TRIM2: variants seen among roughly 807,000 people sequenced by gnomAD.
TRIM2 encodes the protein tripartite motif containing 2, also known as tripartite motif-containing protein 2.
A neutral mutation model predicts 75.2 loss-of-function variants in TRIM2; 20 were observed. The ratio of observed to expected loss-of-function variants is 0.27; its 90% confidence interval spans 0.19 to 0.39. TRIM2 has a LOEUF of 0.39. Ranked by LOEUF, TRIM2 falls within the 10% of genes least tolerant of loss-of-function variation. The pLI, the probability that TRIM2 is intolerant of heterozygous loss-of-function variation, is 1.00. For missense variants in TRIM2, 660 were observed against 990.8 expected, an observed-to-expected ratio of 0.67 and a Z score of 4.48; for synonymous variants, 373 against 388.3, an observed-to-expected ratio of 0.96 and a Z score of 0.46.
At chr4:153,319,352 A>C (rs1490882381) in intron 8 of TRIM2, among the ~76,000 whole-genome samples, 1 of 152,176 alleles carries the variant, frequency 6.6e-6, no homozygotes, top group South Asian at 2.1e-4. Context: ...ACTCTAAAAT[A>C]TCTCATCTCT....
At chr4:153,301,558 G>A (rs965737798) in intron 6 of TRIM2, among the ~76,000 whole-genome samples, 2 of 152,020 alleles carry the variant, frequency 1.3e-5, no homozygotes, top group Non-Finnish European at 1.5e-5. Context: ...TCAAAAAATC[G>A]TTGCCCAGAA....
intron 1 of TRIM2, among the ~76,000 whole-genome samples, chr4:153,197,199 G>C (rs1319399039): frequency 4.6e-5 from 7 of 152,162 alleles, no homozygotes; most frequent in South Asian, 2.1e-4. Flanking sequence ...GGAGCTTCCA[G>C]GTAGTAAGTT....
intron 1 of TRIM2, chr4:153,222,256 T>A (rs1242561223): frequency 6.6e-6 from 1 of 152,144 alleles, no homozygotes; most frequent in African/African-American, 2.4e-5. Flanking sequence ...CTGTGCTTGC[T>A]TATAATGAAC....
intron 1 of TRIM2, among the ~76,000 whole-genome samples, chr4:153,239,841 T>C (rs914320239): frequency 6.7e-6 from 1 of 150,262 alleles, no homozygotes; most frequent in African/African-American, 2.5e-5. Flanking sequence ...TCTCTTTTTT[T>C]TTTTTTTTTT....
intron 6 of TRIM2, among the ~76,000 whole-genome samples, chr4:153,299,544 C>T (rs1034447062): frequency 6.6e-6 from 1 of 152,188 alleles, no homozygotes; most frequent in Non-Finnish European, 1.5e-5. Context: ...ATGTTAGATA[C>T]AGTGAGTTCT....
chr4:153,212,661 A>AAAAAAG (rs1260021461), intron 1 of TRIM2, among the ~76,000 whole-genome samples: 2 of 152,152 alleles, frequency 1.3e-5, no homozygotes, highest in African/African-American at 4.8e-5. Context: ...GTCTCTAGGA[A>AAAAAAG]AAAAAGAAAA....
chr4:153,247,575 G>T (rs969655139), intron 1 of TRIM2, among the ~76,000 whole-genome samples: 5 of 151,472 alleles, frequency 3.3e-5, no homozygotes, highest in Non-Finnish European at 7.4e-5. Context: ...CTACTCAGGA[G>T]GCTGAGGCAG....
chr4:153,245,445 G>C (rs1578918682), intron 1 of TRIM2, among the ~76,000 whole-genome samples: 1 of 152,340 alleles, frequency 6.6e-6, no homozygotes, highest in East Asian at 1.9e-4. Flanking sequence ...TGTTAGGCTT[G>C]AGCAGGGGCG....
intron 1 of TRIM2, among the ~76,000 whole-genome samples, chr4:153,207,612 C>T (rs1273250359): frequency 6.6e-6 from 1 of 152,192 alleles, no homozygotes; most frequent in African/African-American, 2.4e-5. Context: ...CAGCATCTAA[C>T]GACAGTCCTA....
At position 153,324,066 on chromosome 4, in the gene TRIM2, T is replaced by A. The variant is rs751891772; in HGVS notation, c.1952-12T>A. The A allele has an allele frequency of 6.2e-7, 1 of 1,610,606 alleles. No homozygotes were observed. Among genetic ancestry groups the A allele is most frequent in the African/African-American group, 1.3e-5 (1 of 74,790 alleles). On this transcript the variant is annotated splice_polypyrimidine_tract_variant and intron_variant, in intron 9 of 11. Coordinates refer to ENST00000338700, the MANE Select transcript of TRIM2 (RefSeq NM_015271.5). ...TGTAGTCATCACATATTTTTTTCCATCTTTATTGCAGGTCCCCATTTTGCA... is the reference window on the plus strand; with the variant it reads ...TGTAGTCATCACATATTTTTTTCCAACTTTATTGCAGGTCCCCATTTTGCA...
intron 10 of TRIM2, among the ~76,000 whole-genome samples, chr4:153,326,675 A>G (rs1770241562): frequency 6.6e-6 from 1 of 152,254 alleles, no homozygotes; most frequent in African/African-American, 2.4e-5. Flanking sequence ...CCAGGAAAAC[A>G]TATTGACTCA....
chr4:153,281,516 T>A (rs1167629470), intron 3 of TRIM2, among the ~76,000 whole-genome samples: 1 of 152,234 alleles, frequency 6.6e-6, no homozygotes, highest in African/African-American at 2.4e-5. Flanking sequence ...CATTGCATAT[T>A]CAAGCCAAAT....
chr4:153,314,203 G>A (rs1164983296), intron 6 of TRIM2, among the ~76,000 whole-genome samples: 3 of 144,618 alleles, frequency 2.1e-5, no homozygotes, highest in Admixed American at 6.7e-5. Flanking sequence ...GGCGGATCAC[G>A]AGGTCAGGAG....
chr4:153,307,543 C>T (rs780029230), intron 6 of TRIM2, among the ~76,000 whole-genome samples: 1 of 152,160 alleles, frequency 6.6e-6, no homozygotes, highest in Non-Finnish European at 1.5e-5. Context: ...TCATAGACTT[C>T]ACTTCCAATT....
intron 1 of TRIM2, among the ~76,000 whole-genome samples, chr4:153,234,890 G>A (rs571478317): frequency 1.7e-3 from 265 of 152,274 alleles, no homozygotes; most frequent in Non-Finnish European, 1.9e-3. Context: ...GTCCAAAGTG[G>A]AACTCAATTA....
intron 3 of TRIM2, among the ~76,000 whole-genome samples, chr4:153,279,787 A>G (rs1456537460): frequency 6.6e-6 from 1 of 152,128 alleles, no homozygotes; most frequent in East Asian, 1.9e-4. Flanking sequence ...TATTAAAAAT[A>G]CAAAAATTAG....
chr4:153,230,532 C>T (rs1341971041), intron 1 of TRIM2, among the ~76,000 whole-genome samples: 4 of 152,184 alleles, frequency 2.6e-5, no homozygotes, highest in Admixed American at 6.5e-5. Context: ...ACAAAAAACA[C>T]ACCAAACAAA....
chr4:153,227,369 T>C (rs1742417120), intron 1 of TRIM2, among the ~76,000 whole-genome samples: 1 of 152,160 alleles, frequency 6.6e-6, no homozygotes, highest in Non-Finnish European at 1.5e-5. Flanking sequence ...ATAGAAACAC[T>C]GCTTGAGAGT....
chr4:153,334,240 A>G (rs1357700426), intron 11 of TRIM2, among the ~76,000 whole-genome samples: 1 of 152,162 alleles, frequency 6.6e-6, no homozygotes, highest in Non-Finnish European at 1.5e-5. Flanking sequence ...CCAATGGCAT[A>G]TTCTTCTCCA....
Sources: gnomAD v4.1 joint callset for allele counts (sites outside exome capture counted in the v4.1 genomes callset) on GRCh38, gnomAD v4.1.1 for gene constraint, MANE v1.5 for transcripts, NCBI Gene and HGNC (gene_info 2026-07-23, HGNC 2026-07-21) for gene names.